GFRA1: variants seen among roughly 807,000 people sequenced by gnomAD.
The protein encoded by GFRA1 is GDNF family receptor alpha-1.
In GFRA1, 16 loss-of-function variants were observed where a neutral mutation model predicts 51.6. That is an observed-to-expected ratio of 0.31 (90% confidence interval 0.21 to 0.47). GFRA1 has a LOEUF of 0.47. Among genes scored for constraint, GFRA1 ranks in the 20% least tolerant of loss-of-function variants. The pLI is 1.00. For missense variants in GFRA1, 530 were observed against 594.3 expected, an observed-to-expected ratio of 0.89 and a Z score of 1.13; for synonymous variants, 270 against 241.3, an observed-to-expected ratio of 1.12 and a Z score of -1.10.
chr10:116,237,219 T>C (rs1966939618), intron 4 of GFRA1, among the ~76,000 whole-genome samples: 1 of 152,242 alleles, frequency 6.6e-6, no homozygotes, highest in Non-Finnish European at 1.5e-5. Flanking sequence ...TTTGAAATGT[T>C]CACTTATCTT....
intron 4 of GFRA1, among the ~76,000 whole-genome samples, chr10:116,224,891 T>C (rs1966171667): frequency 6.6e-6 from 1 of 152,218 alleles, no homozygotes; most frequent in South Asian, 2.1e-4. Context: ...CCCCTGCCTC[T>C]CTGAGCCACA....
chr10:116,187,795 A>C (rs1250681293), intron 5 of GFRA1, among the ~76,000 whole-genome samples: 1 of 152,108 alleles, frequency 6.6e-6, no homozygotes, highest in Non-Finnish European at 1.5e-5. Context: ...GCCATGGAAA[A>C]TCTAGATGAA....
chr10:116,088,448 C>T (rs1456370458), intron 9 of GFRA1, among the ~76,000 whole-genome samples: 3 of 152,144 alleles, frequency 2.0e-5, no homozygotes, highest in African/African-American at 7.2e-5. Context: ...GGAAAAATCA[C>T]AGAAAGAACG....
chr10:116,117,404 T>C (rs1957451895), intron 6 of GFRA1, among the ~76,000 whole-genome samples: 1 of 152,094 alleles, frequency 6.6e-6, no homozygotes, highest in African/African-American at 2.4e-5. Flanking sequence ...CATAGCACTT[T>C]GTCCCTTCCT....
At position 116,244,392 on chromosome 10, in the gene GFRA1, TTAA is replaced by T. The variant is rs1967687202; in HGVS notation, c.418+25108_418+25110del. 4.8e-5 allele frequency among the ~76,000 whole-genome samples: 7 copies of T among 146,870 alleles called. No homozygotes were observed. In the South Asian group the frequency reaches 1.5e-3, roughly 31 times the overall value. ...TAATTAAAATTTAATTTTATTTCAT[TTAA>T]TGTTAATAATTAAAATTTAATTTTA... On this transcript the variant is annotated intron_variant, in intron 4 of 10. Coordinates refer to ENST00000355422, the MANE Select transcript of GFRA1 (RefSeq NM_005264.8).
At chr10:116,111,233 C>T (rs933412910) in intron 6 of GFRA1, among the ~76,000 whole-genome samples, 3 of 152,206 alleles carry the variant, frequency 2.0e-5, no homozygotes, top group East Asian at 1.9e-4. Flanking sequence ...CCCAGCCAAA[C>T]GGATTCCAAT....
intron 6 of GFRA1, among the ~76,000 whole-genome samples, chr10:116,103,165 G>A (rs1473552825): frequency 6.6e-6 from 1 of 152,160 alleles, no homozygotes; most frequent in Admixed American, 6.5e-5. Context: ...CACCAGTGCT[G>A]TGGTGCCATA....
At chr10:116,158,304 G>A (rs1959367566) in intron 5 of GFRA1, among the ~76,000 whole-genome samples, 1 of 152,194 alleles carries the variant, frequency 6.6e-6, no homozygotes, top group Non-Finnish European at 1.5e-5. Context: ...AGTACACAGA[G>A]AAAATATACA....
chr10:116,265,824 G>A (rs1259603388), intron 4 of GFRA1, among the ~76,000 whole-genome samples: 3 of 151,914 alleles, frequency 2.0e-5, no homozygotes, highest in African/African-American at 2.4e-5. Flanking sequence ...CCTCCCGCTC[G>A]CTTCATGTTC....
intron 6 of GFRA1, among the ~76,000 whole-genome samples, chr10:116,104,739 A>G (rs916784103): frequency 6.6e-6 from 1 of 152,228 alleles, no homozygotes; most frequent in African/African-American, 2.4e-5. Context: ...ATTGACAGCC[A>G]TCAGTCAACA....
At chr10:116,233,576 C>T (rs974005471) in intron 4 of GFRA1, among the ~76,000 whole-genome samples, 2 of 152,090 alleles carry the variant, frequency 1.3e-5, no homozygotes, top group African/African-American at 4.8e-5. Flanking sequence ...GCCCCCTCCC[C>T]AACACTCTCC....
At chr10:116,103,025 TAAG>T (rs1236698150) in intron 6 of GFRA1, among the ~76,000 whole-genome samples, 3 of 152,228 alleles carry the variant, frequency 2.0e-5, no homozygotes. Context: ...GTATGGTAGA[TAAG>T]AAGATGCACA....
At chr10:116,154,091 A>C (rs1959158006) in intron 5 of GFRA1, among the ~76,000 whole-genome samples, 1 of 152,232 alleles carries the variant, frequency 6.6e-6, no homozygotes, top group African/African-American at 2.4e-5. Context: ...AGACAAAAAC[A>C]AACATGAGTG....
At chr10:116,171,492 G>A (rs1961020009) in intron 5 of GFRA1, among the ~76,000 whole-genome samples, 1 of 152,122 alleles carries the variant, frequency 6.6e-6, no homozygotes, top group African/African-American at 2.4e-5. Context: ...AATCTCCTCT[G>A]CTATTAGTTA....
chr10:116,230,529 G>A (rs1009986777), intron 4 of GFRA1, among the ~76,000 whole-genome samples: 3 of 152,180 alleles, frequency 2.0e-5, no homozygotes, highest in Admixed American at 6.5e-5. Context: ...TAGATATAAA[G>A]GCTGTTACAA....
At chr10:116,094,735 G>A (rs1320146880) in intron 7 of GFRA1, among the ~76,000 whole-genome samples, 1 of 152,096 alleles carries the variant, frequency 6.6e-6, no homozygotes, top group African/African-American at 2.4e-5. Context: ...CTGAGTCAAG[G>A]GCATACTGTC....
At chr10:116,248,252 T>C (rs1968029702) in intron 4 of GFRA1, among the ~76,000 whole-genome samples, 1 of 152,170 alleles carries the variant, frequency 6.6e-6, no homozygotes. Flanking sequence ...TCATGGGGCT[T>C]TGCCTGCCAC....
At chr10:116,088,737 G>A (rs1473418892) in intron 9 of GFRA1, among the ~76,000 whole-genome samples, 5 of 151,782 alleles carry the variant, frequency 3.3e-5, no homozygotes, top group Non-Finnish European at 7.4e-5. Flanking sequence ...TGGCTAACAT[G>A]GTGAAACCAC....
At chr10:116,098,004 A>C (rs1956672224) in intron 6 of GFRA1, among the ~76,000 whole-genome samples, 1 of 152,182 alleles carries the variant, frequency 6.6e-6, no homozygotes, top group Non-Finnish European at 1.5e-5. Flanking sequence ...CCAAGACCGC[A>C]GTTCGCTGCA....
Sources: gnomAD v4.1 joint callset for allele counts (sites outside exome capture counted in the v4.1 genomes callset) on GRCh38, gnomAD v4.1.1 for gene constraint, MANE v1.5 for transcripts, NCBI Gene and HGNC (gene_info 2026-07-23, HGNC 2026-07-21) for gene names.